The following TRPM7 variants were observed in gnomAD, a reference collection of about 807,000 sequenced individuals.
The protein encoded by TRPM7 is LTRPC ion channel family member 7.
In TRPM7, 134 loss-of-function variants were observed where a neutral mutation model predicts 229.7. The observed-to-expected ratio is 0.58, with a 90% confidence interval of 0.51 to 0.67. TRPM7 has a LOEUF of 0.67. Ranked by LOEUF, TRPM7 falls within the 30% of genes least tolerant of loss-of-function variation. The pLI is 0.00. For synonymous variants in TRPM7, 699 were observed against 715.2 expected (o/e 0.98, Z 0.36); for missense variants, 1,901 against 2,210.0 (o/e 0.86, Z 2.80).
At chr15:50,612,509 G>T in intron 16 of TRPM7, 40 bp downstream of exon 16, 4 of 1,580,620 alleles carry the variant, frequency 2.5e-6, no homozygotes, top group Non-Finnish European at 3.4e-6. Context: ...TACCTACTTT[G>T]AATTTTTAAA....
At chr15:50,588,127 TA>T in intron 27 of TRPM7, 1 of 699,808 alleles carries the variant, frequency 1.4e-6, no homozygotes. Flanking sequence ...TTCCTCCATC[TA>T]AAAGCACATG....
chr15:50,613,222 C>T (rs1195367980), intron 15 of TRPM7, among the ~76,000 whole-genome samples: 1 of 152,030 alleles, frequency 6.6e-6, no homozygotes, highest in Non-Finnish European at 1.5e-5. Flanking sequence ...TGAAAATGTA[C>T]GCTGGGCGCG....
intron 3 of TRPM7, among the ~76,000 whole-genome samples, chr15:50,655,437 G>GAAAAAA (rs199686585): frequency 9.0e-5 from 8 of 89,318 alleles, no homozygotes; most frequent in Non-Finnish European, 1.2e-4. Context: ...CATCTCAAAG[G>GAAAAAA]AAAAAAAAAA....
At chr15:50,638,413 G>T (rs1228538824) in intron 6 of TRPM7, among the ~76,000 whole-genome samples, 2 of 140,428 alleles carry the variant, frequency 1.4e-5, no homozygotes, top group Non-Finnish European at 3.0e-5. Context: ...GATGGGTGTA[G>T]TGGTGGGTGC....
rs998269899 is a variant in TRPM7 at position 50,592,691 on chromosome 15, C to G, written c.3609-65G>C. 9.6e-6 allele frequency: 11 copies of G among 1,142,948 alleles called. No homozygotes were observed. The African/African-American group carries it at 1.7e-4, about 18-fold the overall frequency. 70.8% of individuals were successfully genotyped at this position (1,142,948 alleles called of 1,614,324 possible). A position where few individuals can be genotyped will look rare whatever the true frequency, so the allele number is the denominator to read the frequency against. On this transcript the variant is annotated intron_variant, in intron 25 of 38. Coordinates refer to ENST00000646667, the MANE Select transcript of TRPM7 (RefSeq NM_017672.6). ...AATAATGTAGAATTTTATTTTGTAG[C>G]CTCAAATAATAATGATAAAAAGAGA...
At chr15:50,570,215 G>A in intron 36 of TRPM7, 60 bp from the exon 37 acceptor site, 2 of 1,176,728 alleles carry the variant, frequency 1.7e-6, no homozygotes, top group South Asian at 3.0e-5. Flanking sequence ...CATAAATACT[G>A]ACATCTGCAT....
chr15:50,673,782 G>A (rs1206969854), intron 1 of TRPM7, among the ~76,000 whole-genome samples: 1 of 152,050 alleles, frequency 6.6e-6, no homozygotes, highest in Admixed American at 6.6e-5. Flanking sequence ...ATTTTCCTCT[G>A]GTAGATACCC....
intron 28 of TRPM7, among the ~76,000 whole-genome samples, chr15:50,584,297 T>G (rs1426754483): frequency 6.6e-6 from 1 of 152,166 alleles, no homozygotes; most frequent in East Asian, 1.9e-4. Context: ...CAAAATGTTT[T>G]CAATATGATG....
intron 19 of TRPM7, among the ~76,000 whole-genome samples, chr15:50,607,535 A>G (rs982717434): frequency 8.5e-5 from 13 of 152,328 alleles, no homozygotes; most frequent in African/African-American, 3.1e-4. Flanking sequence ...CCCAGAGTAT[A>G]AACGTGTTGT....
intron 23 of TRPM7, among the ~76,000 whole-genome samples, chr15:50,595,995 G>A (rs568408547): frequency 1.3e-4 from 20 of 152,108 alleles, no homozygotes; most frequent in African/African-American, 3.4e-4. Context: ...TATTGAATGC[G>A]TATTTGTTGG....
At chr15:50,625,699 T>G (rs7177123) in intron 11 of TRPM7, among the ~76,000 whole-genome samples, 72,124 of 151,962 alleles carry the variant, frequency 0.47, 17,702 homozygotes, top group East Asian at 0.57. Flanking sequence ...CCACACCCAG[T>G]CCTATTTTAA....
intron 1 of TRPM7, among the ~76,000 whole-genome samples, chr15:50,672,194 C>T (rs1358344065): frequency 1.3e-5 from 2 of 152,124 alleles, no homozygotes; most frequent in South Asian, 2.1e-4. Context: ...GCTGGGACTA[C>T]AGGCAACCAC....
chr15:50,638,476 G>A (rs1022191282), intron 6 of TRPM7, among the ~76,000 whole-genome samples: 9 of 150,990 alleles, frequency 6.0e-5, no homozygotes, highest in African/African-American at 2.2e-4. Context: ...TTGAACCTGG[G>A]AGGAGGAGGT....
chr15:50,583,022 G>T, intron 29 of TRPM7, 67 bp downstream of exon 29: 1 of 1,178,510 alleles, frequency 8.5e-7, no homozygotes, highest in Non-Finnish European at 1.2e-6. Context: ...TCACCACTTT[G>T]TAGATCTTAT....
chr15:50,569,732 T>C (rs376280555), intron 38 of TRPM7, among the ~76,000 whole-genome samples, 155 bp downstream of exon 38: 1 of 152,198 alleles, frequency 6.6e-6, no homozygotes. Flanking sequence ...CACAGATTCA[T>C]TTATAACCAA....
chr15:50,686,544 G>T lies in TRPM7; in HGVS notation c.-11C>A. On this transcript the variant is annotated 5_prime_UTR_variant, in exon 1 of 39. Transcript: ENST00000646667. ...TGGGTCCAGTACCATTCTCCTCACG[G>T]GGCGGACTCCGGAAGGGCAGCAACT... 1 of 1,610,352 alleles carries T rather than the reference G, an allele frequency of 6.2e-7. No homozygotes were observed. Among genetic ancestry groups the T allele is most frequent in the South Asian group, 1.1e-5 (1 of 90,984 alleles).
At chr15:50,650,622 G>A (rs1250351517) in intron 3 of TRPM7, among the ~76,000 whole-genome samples, 1 of 152,046 alleles carries the variant, frequency 6.6e-6, no homozygotes, top group East Asian at 1.9e-4. Flanking sequence ...TTGAACCTGG[G>A]AGGCAGAGGT....
chr15:50,679,488 AT>A (rs1303883792), intron 1 of TRPM7, among the ~76,000 whole-genome samples: 2 of 105,894 alleles, frequency 1.9e-5, no homozygotes, highest in South Asian at 5.7e-4. Flanking sequence ...ATATATATAT[AT>A]TATATATATG....
At chr15:50,652,555 C>A (rs538072911) in intron 3 of TRPM7, among the ~76,000 whole-genome samples, 4 of 150,480 alleles carry the variant, frequency 2.7e-5, no homozygotes, top group African/African-American at 9.7e-5. Context: ...ATTAATACAC[C>A]TTTCCACAAA....
Sources: allele counts gnomAD v4.1 joint callset (sites outside exome capture counted in the v4.1 genomes callset), GRCh38; gene constraint gnomAD v4.1.1; transcripts MANE v1.5; gene names NCBI Gene and HGNC (gene_info 2026-07-23, HGNC 2026-07-21).